The following SFMBT2 variants were observed in gnomAD, a reference collection of about 807,000 sequenced individuals.
SFMBT2 encodes the protein scm-like with four MBT domains protein 2.
In SFMBT2, 38 loss-of-function variants were observed where a neutral mutation model predicts 110.1. The ratio of observed to expected loss-of-function variants is 0.35; its 90% confidence interval spans 0.27 to 0.45. The LOEUF is 0.45. Ranked by LOEUF, SFMBT2 falls within the 20% of genes least tolerant of loss-of-function variation. The probability of loss-of-function intolerance (pLI) is 1.00; values close to 1 mark genes in which losing one functional copy is unlikely to be tolerated. For missense variants in SFMBT2, 1,011 were observed against 1,094.9 expected (o/e 0.92, Z 1.08); for synonymous variants, 425 against 425.4 (o/e 1.00, Z 0.01).
At chr10:7,236,048 T>C (rs934906447) in intron 9 of SFMBT2, among the ~76,000 whole-genome samples, 1 of 152,188 alleles carries the variant, frequency 6.6e-6, no homozygotes, top group South Asian at 2.1e-4. Context: ...TGAGACAGTT[T>C]AGAAAGGTAG....
intron 7 of SFMBT2, among the ~76,000 whole-genome samples, chr10:7,266,126 G>A (rs1841382647): frequency 6.6e-6 from 1 of 151,290 alleles, no homozygotes; most frequent in Non-Finnish European, 1.5e-5. Context: ...GTCTTGCTCT[G>A]TCACCCAGGC....
intron 6 of SFMBT2, among the ~76,000 whole-genome samples, chr10:7,282,137 T>C (rs1374071192): frequency 6.6e-6 from 1 of 152,180 alleles, no homozygotes; most frequent in Non-Finnish European, 1.5e-5. Context: ...CCAAGAAGTC[T>C]TCAGTTAAAT....
chr10:7,319,247 A>G (rs898890643), intron 4 of SFMBT2, among the ~76,000 whole-genome samples: 10 of 152,212 alleles, frequency 6.6e-5, no homozygotes, highest in African/African-American at 2.4e-4. Context: ...AAAAATACAG[A>G]GCTAGGAACT....
chr10:7,340,811 T>TAAA (rs71382100), intron 4 of SFMBT2, among the ~76,000 whole-genome samples: 1 of 129,256 alleles, frequency 7.7e-6, no homozygotes, highest in African/African-American at 2.9e-5. Context: ...GTCATTGACT[T>TAAA]AAAAAAAAAA....
chr10:7,171,185 C>T lies in SFMBT2; in HGVS notation c.2416-129G>A. 1.4e-6 allele frequency: 2 copies of T among 1,479,622 alleles called. No individual in the cohort carries two copies. The highest frequency in any genetic ancestry group is 3.7e-5 in the Admixed American group (2 of 54,602). 91.7% of individuals were successfully genotyped at this position (1,479,622 alleles called of 1,614,324 possible). The stretch of plus-strand genomic sequence containing the variant: ...CTCCCTTTGCTCCCTCACTGGGCAC[C>T]TGAAAAAGCTGCACACACTCTCAGT... On this transcript the variant is annotated intron_variant, in intron 19 of 20. Coordinates refer to ENST00000397167, the MANE Select transcript of SFMBT2 (RefSeq NM_001387889.1). This position sits in a 1 kb window ranked among gnomAD's most constrained non-coding sequence, Gnocchi z 4.9.
At chr10:7,394,542 C>A (rs577027133) in intron 1 of SFMBT2, among the ~76,000 whole-genome samples, 2 of 151,222 alleles carry the variant, frequency 1.3e-5, no homozygotes, top group South Asian at 4.2e-4. Flanking sequence ...CGCTCACCCC[C>A]CTGGCAGCTC....
At chr10:7,264,223 T>C (rs1841312301) in intron 7 of SFMBT2, 1 of 244,072 alleles carries the variant, frequency 4.1e-6, no homozygotes, top group Non-Finnish European at 6.6e-6. Context: ...GCAAGATACT[T>C]AAAGAAACCA....
At chr10:7,378,060 A>AGT (rs1045587309) in intron 2 of SFMBT2, among the ~76,000 whole-genome samples, 2 of 142,588 alleles carry the variant, frequency 1.4e-5, no homozygotes, top group South Asian at 2.3e-4. Flanking sequence ...GATGGATGTG[A>AGT]GTGTGTGTGT....
At chr10:7,222,203 G>A (rs1172411890) in intron 10 of SFMBT2, among the ~76,000 whole-genome samples, 1 of 152,202 alleles carries the variant, frequency 6.6e-6, no homozygotes, top group Non-Finnish European at 1.5e-5. Context: ...TTCTTGCTGA[G>A]TAGTTTGTAC....
At chr10:7,395,590 T>C (rs914599563) in intron 1 of SFMBT2, among the ~76,000 whole-genome samples, 1 of 152,328 alleles carries the variant, frequency 6.6e-6, no homozygotes, top group African/African-American at 2.4e-5. Flanking sequence ...TTTCCTTAAT[T>C]TTCCCCTTTA....
intron 10 of SFMBT2, 139 bp from the exon 11 acceptor site, chr10:7,220,676 A>G: frequency 2.3e-6 from 2 of 862,158 alleles, no homozygotes; most frequent in Non-Finnish European, 3.6e-6. Context: ...TGTCCTTCCC[A>G]CTGTTCATGA....
intron 9 of SFMBT2, 67 bp from the exon 10 acceptor site, chr10:7,228,004 C>A: frequency 8.3e-7 from 1 of 1,203,750 alleles, no homozygotes; most frequent in Non-Finnish European, 1.2e-6. Flanking sequence ...TGAGCAAAAT[C>A]AGAAGGGGTG....
chr10:7,370,495 G>A (rs1440124854), intron 2 of SFMBT2, 120 bp from the exon 3 acceptor site: 2 of 826,672 alleles, frequency 2.4e-6, no homozygotes, highest in African/African-American at 3.4e-5. Context: ...CAGTTCAGAA[G>A]GATATTGCTG....
chr10:7,249,334 G>A (rs1038503891), intron 7 of SFMBT2: 5 of 218,676 alleles, frequency 2.3e-5, no homozygotes, highest in Non-Finnish European at 3.1e-5. Flanking sequence ...GGGCTTTCCC[G>A]CCTCCTAAGA....
In SFMBT2 at chr10:7,201,734, T is replaced by A. The variant is rs182509482; in HGVS notation, c.1487+746A>T. Among the ~76,000 whole-genome samples, 28 of 152,346 alleles carry A rather than the reference T, an allele frequency of 1.8e-4. No homozygotes were observed. In the East Asian group the frequency reaches 5.2e-3, roughly 28 times the overall value. ...GCGTATTTTAAATTATTTTTCAATA[T>A]CTACAAATGTTACTAGCAGTCACAA... On this transcript the variant is annotated intron_variant, in intron 13 of 20. Coordinates refer to ENST00000397167, the MANE Select transcript of SFMBT2 (RefSeq NM_001387889.1).
At chr10:7,378,843 G>C (rs1349570007) in intron 2 of SFMBT2, among the ~76,000 whole-genome samples, 1 of 151,754 alleles carries the variant, frequency 6.6e-6, no homozygotes, top group Non-Finnish European at 1.5e-5. Flanking sequence ...TGGATGGGTG[G>C]GTAGGAGGCT....
chr10:7,362,170 A>G (rs952049873), intron 4 of SFMBT2, among the ~76,000 whole-genome samples: 1 of 152,110 alleles, frequency 6.6e-6, no homozygotes, highest in Non-Finnish European at 1.5e-5. Flanking sequence ...GTTCCTTAAT[A>G]CTTTTAATAT....
chr10:7,261,893 G>A (rs764901318), intron 7 of SFMBT2, among the ~76,000 whole-genome samples: 1 of 152,210 alleles, frequency 6.6e-6, no homozygotes, highest in South Asian at 2.1e-4. Context: ...GGTGGCTGGC[G>A]GAAGGACGGA....
chr10:7,158,774 A>G lies in SFMBT2; in HGVS notation c.*4996T>C, dbSNP rs1837477438. ...ACATATATACAGAATACAATCTTAC[A>G]GCAAACCAAAAGCATGCCCTTCGTC... On this transcript the variant is annotated 3_prime_UTR_variant, in exon 21 of 21. Coordinates refer to ENST00000397167, the MANE Select transcript of SFMBT2 (RefSeq NM_001387889.1). The G allele has an allele frequency of 6.6e-6, 1 of 152,194 alleles. No individual in the cohort carries two copies. Among genetic ancestry groups the G allele is most frequent in the South Asian group, 2.1e-4 (1 of 4,828 alleles). 9.4% of individuals were successfully genotyped at this position (152,194 alleles called of 1,614,324 possible). A position where few individuals can be genotyped will look rare whatever the true frequency, so the allele number is the denominator to read the frequency against.
Sources: allele counts gnomAD v4.1 joint callset (sites outside exome capture counted in the v4.1 genomes callset), GRCh38; gene constraint gnomAD v4.1.1; non-coding constraint Gnocchi (gnomAD v3.1); transcripts MANE v1.5; gene names NCBI Gene and HGNC (gene_info 2026-07-23, HGNC 2026-07-21).